ODAD2: variants seen among roughly 807,000 people sequenced by gnomAD.
The protein encoded by ODAD2 is outer dynein arm docking complex subunit 2.
Under a neutral mutation model 106.8 loss-of-function variants are expected in ODAD2, and 89 were observed. The observed-to-expected ratio is 0.83, with a 90% CI of 0.70 to 0.99. ODAD2 has a LOEUF of 0.99. Ranked by LOEUF, ODAD2 falls within the 50% of genes least tolerant of loss-of-function variation. The pLI is 0.00. For missense variants in ODAD2, 1,168 were observed against 1,238.5 expected (o/e 0.94, Z 0.85); for synonymous variants, 404 against 436.2 (o/e 0.93, Z 0.92).
chr10:27,944,517 C>T, intron 11 of ODAD2, 86 bp from the exon 12 acceptor site: 1 of 1,241,396 alleles, frequency 8.1e-7, no homozygotes, highest in South Asian at 1.4e-5. Flanking sequence ...AATCCTTCCC[C>T]AGTTAAGTTT....
chr10:27,832,014 G>A (rs1837515383), intron 19 of ODAD2, among the ~76,000 whole-genome samples: 1 of 152,230 alleles, frequency 6.6e-6, no homozygotes, highest in East Asian at 1.9e-4. Context: ...AAGCATATTC[G>A]GGGCTTCCCC....
chr10:27,857,494 T>G (rs1325140553), intron 19 of ODAD2, among the ~76,000 whole-genome samples: 1 of 152,186 alleles, frequency 6.6e-6, no homozygotes, highest in Non-Finnish European at 1.5e-5. Flanking sequence ...GTTAAATATA[T>G]TACTAAAATT....
chr10:27,981,862 G>A (rs1849568702), intron 6 of ODAD2: 1 of 199,624 alleles, frequency 5.0e-6, no homozygotes, highest in Non-Finnish European at 1.0e-5. Flanking sequence ...CTGCTGTTCA[G>A]CAGAGAAGTG....
intron 19 of ODAD2, among the ~76,000 whole-genome samples, chr10:27,857,412 A>T (rs1346975420): frequency 6.6e-6 from 1 of 152,184 alleles, no homozygotes; most frequent in Non-Finnish European, 1.5e-5. Flanking sequence ...GTCAAAAGTT[A>T]TATGTGGATT....
chr10:27,919,199 T>C (rs1461495758), intron 16 of ODAD2, among the ~76,000 whole-genome samples: 2 of 151,870 alleles, frequency 1.3e-5, no homozygotes. Context: ...AAATGAAAAA[T>C]AGTGTTTTCA....
intron 17 of ODAD2, among the ~76,000 whole-genome samples, chr10:27,897,250 T>G (rs768448549): frequency 1.8e-4 from 28 of 152,106 alleles, no homozygotes; most frequent in Non-Finnish European, 4.0e-4. Flanking sequence ...CACTCAGACC[T>G]CCACTACCTC....
intron 17 of ODAD2, among the ~76,000 whole-genome samples, chr10:27,905,330 A>T (rs1341499694): frequency 6.6e-6 from 1 of 152,184 alleles, no homozygotes; most frequent in Non-Finnish European, 1.5e-5. Flanking sequence ...GACCTCTTCA[A>T]GGAGAACTAC....
chr10:27,839,121 AT>A (rs1337724067), intron 19 of ODAD2, among the ~76,000 whole-genome samples: 1 of 152,188 alleles, frequency 6.6e-6, no homozygotes, highest in African/African-American at 2.4e-5. Flanking sequence ...AACATTCCTA[AT>A]TTTGGTAACA....
intron 17 of ODAD2, among the ~76,000 whole-genome samples, chr10:27,885,563 AATATATAT>A (rs1278959871): frequency 5.7e-5 from 1 of 17,514 alleles, no homozygotes; most frequent in Non-Finnish European, 1.0e-4. Flanking sequence ...TATAAATATA[AATATATAT>A]ATATATAAAT....
intron 14 of ODAD2, among the ~76,000 whole-genome samples, chr10:27,937,339 C>CTTTTTTTTTTTTTTTTTTTTTTTT (rs57375404): frequency 7.5e-6 from 1 of 132,772 alleles, no homozygotes; most frequent in Non-Finnish European, 1.6e-5. Flanking sequence ...TTTCTTTTTT[C>CTTTTTTTTTTTTTTTTTTTTTTTT]TTTTTTTTTT....
intron 19 of ODAD2, among the ~76,000 whole-genome samples, chr10:27,825,059 C>A (rs1336413893): frequency 6.6e-6 from 1 of 152,204 alleles, no homozygotes; most frequent in Non-Finnish European, 1.5e-5. Flanking sequence ...ACAGCCTCCC[C>A]TACTCAGCTG....
At position 27,940,576 on chromosome 10, in the gene ODAD2, T is replaced by A; in HGVS notation, c.1973A>T (p.Glu658Val). ...MLIPVVGTLQ[E>V]CASEENYRAA... ...TGGCATGAGTACCTCTGATGCACAC[T>A]CTTGCAATGTCCCCACCACTGGAAT... The change falls in exon 13 of 20, where the codon GAG (glutamate) becomes GTG (valine). Residue 658 changes from glutamate (E) to valine (V), a missense_variant. Physicochemically the swap from Glu to Val is moderately radical, Grantham distance 121. Around this residue, in one of 3 missense-constraint regions of ODAD2, gnomAD observed 701 missense variants for 712.3 expected, o/e 0.98. Coordinates refer to ENST00000305242, the MANE Select transcript of ODAD2 (RefSeq NM_018076.5). The A allele has an allele frequency of 6.2e-7, 1 of 1,614,064 alleles. No homozygotes were observed. The highest frequency in any genetic ancestry group is 1.1e-5 in the South Asian group (1 of 91,078).
chr10:27,983,844 C>T lies in ODAD2; in HGVS notation c.818G>A (p.Gly273Asp), dbSNP rs1849708119. 1 of 1,613,174 alleles carries T rather than the reference C, an allele frequency of 6.2e-7. No homozygotes were observed. The highest frequency in any genetic ancestry group is 1.1e-5 in the South Asian group (1 of 90,886). ...TCSAGGVFLN[G>D]GKTDDEGDVN... ...TTACGTTTTTAAAAATTTACTTACA[C>T]CATTTAAAAATACTCCTCCTGCACT... The change falls in exon 6 of 20, where the codon GGT becomes GAT. Residue 273 changes from glycine to aspartate, a missense_variant and splice_region_variant. Gly to Asp is a moderately conservative substitution (Grantham distance 94). This residue lies in a region of ODAD2 where 430 missense variants were observed against 452.2 expected (regional missense o/e 0.95). Transcript: ENST00000305242.
intron 19 of ODAD2, among the ~76,000 whole-genome samples, chr10:27,833,673 A>T (rs1447682315): frequency 6.6e-6 from 1 of 152,208 alleles, no homozygotes. Flanking sequence ...CATTCAACAA[A>T]TATCTGCTAT....
chr10:27,950,121 G>A (rs983956585), intron 10 of ODAD2, among the ~76,000 whole-genome samples: 10 of 152,096 alleles, frequency 6.6e-5, no homozygotes, highest in African/African-American at 2.4e-4. Context: ...ACTATCACAT[G>A]GCCATCCAGC....
chr10:27,838,920 G>A (rs1251700280), intron 19 of ODAD2, among the ~76,000 whole-genome samples: 1 of 152,188 alleles, frequency 6.6e-6, no homozygotes. Context: ...CAGGTCGTCA[G>A]GAAAGCGTCT....
chr10:27,914,901 C>A (rs2133914239), intron 16 of ODAD2, among the ~76,000 whole-genome samples: 1 of 151,962 alleles, frequency 6.6e-6, no homozygotes, highest in Non-Finnish European at 1.5e-5. Context: ...AAAAGCCTGA[C>A]CTTTTCTCTT....
chr10:27,894,314 C>T (rs539932216), intron 17 of ODAD2, among the ~76,000 whole-genome samples: 1 of 151,522 alleles, frequency 6.6e-6, no homozygotes, highest in Admixed American at 6.6e-5. Flanking sequence ...AACATGAGAC[C>T]TCAAAAAAAT....
At chr10:27,872,242 TAAG>T (rs1840955389) in intron 17 of ODAD2, among the ~76,000 whole-genome samples, 1 of 152,096 alleles carries the variant, frequency 6.6e-6, no homozygotes, top group African/African-American at 2.4e-5. Flanking sequence ...CTTCTCAGCT[TAAG>T]GAGATTTTGG....
Sources: allele counts gnomAD v4.1 joint callset (sites outside exome capture counted in the v4.1 genomes callset), GRCh38; gene constraint gnomAD v4.1.1; regional missense constraint gnomAD v4.1.1; transcripts MANE v1.5; gene names NCBI Gene and HGNC (gene_info 2026-07-23, HGNC 2026-07-21).